Variants in COL6A3 observed in about 807,000 individuals in gnomAD.
COL6A3 encodes the protein collagen type VI alpha 3 chain.
Under a neutral mutation model 274.1 loss-of-function variants are expected in COL6A3, and 137 were observed. The ratio of observed to expected loss-of-function variants is 0.50; its 90% CI spans 0.44 to 0.58. The LOEUF (loss-of-function observed/expected upper bound fraction) is 0.58. COL6A3 is among the 20% of genes least tolerant of loss of function. The pLI, the probability that COL6A3 is intolerant of heterozygous loss-of-function variation, is 0.00. For missense variants in COL6A3, 3,950 were observed against 4,124.9 expected (o/e 0.96, Z 1.16); for synonymous variants, 1,650 against 1,650.6 (o/e 1.00, Z 0.01).
chr2:237,384,180 C>G lies in COL6A3; in HGVS notation c.1313-2681G>C, dbSNP rs116561235. Among the ~76,000 whole-genome samples, 1,154 of 152,270 alleles carry G rather than the reference C, an allele frequency of 7.6e-3. 18 individuals are homozygous for G. Among genetic ancestry groups the G allele is most frequent in the African/African-American group, 0.026 (1,093 of 41,546 alleles). ...CATTTCATTTCTCTGGGGGCTGCAC[C>G]ATGAATCTCCTCTGACCCAGTGATA... is the stretch of plus-strand genomic sequence containing the variant. On this transcript the variant is annotated intron_variant, in intron 4 of 43. Transcript: ENST00000295550.
intron 1 of COL6A3, among the ~76,000 whole-genome samples, chr2:237,401,305 A>T (rs1436945118): frequency 6.6e-6 from 1 of 152,240 alleles, no homozygotes; most frequent in Non-Finnish European, 1.5e-5. Flanking sequence ...TCATTTCAGC[A>T]TTATTTGTAA....
chr2:237,388,195 A>G lies in COL6A3; in HGVS notation c.710-11T>C. 6.2e-7 allele frequency: 1 copy of G among 1,613,844 alleles called. No homozygotes were observed. Among genetic ancestry groups the G allele is most frequent in the Non-Finnish European group, 8.5e-7 (1 of 1,180,050 alleles). ...CAGCAGAGTCTTGTGCTTTAAAAGA[A>G]AGAAATGCAAAAAATGTGAAAGCAT... On this transcript the variant is annotated splice_polypyrimidine_tract_variant and intron_variant, in intron 3 of 43. Transcript: ENST00000295550.
Position 237,371,673 on chromosome 2 carries a change from G to C in COL6A3, c.4285+59C>G. On this transcript the variant is annotated intron_variant, in intron 9 of 43. Coordinates refer to ENST00000295550, the MANE Select transcript of COL6A3 (RefSeq NM_004369.4). This position sits in a 1 kb window ranked among gnomAD's most constrained non-coding sequence, Gnocchi z 4.3. ...TTATTATGAGTACCATGGCCTTTGA[G>C]CCTGTTATTTTTCATATGGAAAATG... is the stretch of plus-strand genomic sequence containing the variant. The C allele has an allele frequency of 6.5e-7, 1 of 1,530,238 alleles. No homozygotes were observed. The highest frequency in any genetic ancestry group is 8.8e-7 in the Non-Finnish European group (1 of 1,142,126). The allele number at this position is 1,530,238 out of a possible 1,614,324, so 94.8% of individuals were successfully genotyped here. A position where few individuals can be genotyped will look rare whatever the true frequency, so the allele number is the denominator to read the frequency against.
chr2:237,346,885 T>C (rs1484000749), intron 31 of COL6A3, among the ~76,000 whole-genome samples: 2 of 151,888 alleles, frequency 1.3e-5, no homozygotes, highest in Non-Finnish European at 2.9e-5. Flanking sequence ...TAACAGACAG[T>C]GAATTAGCTA....
In COL6A3 at chr2:237,346,143, G is replaced by C. The variant is rs371966242; in HGVS notation, c.7092+360C>G. On this transcript the variant is annotated intron_variant, in intron 32 of 43. Coordinates refer to ENST00000295550, the MANE Select transcript of COL6A3 (RefSeq NM_004369.4). ...ACCACAGGAAGCATTGTCAAACCAA[G>C]GCCTGGCATAATTACACTGCTTCTA... 1.4e-3 allele frequency among the ~76,000 whole-genome samples: 213 copies of C among 152,224 alleles called. 2 individuals carry two copies. Among genetic ancestry groups the C allele is most frequent in the African/African-American group, 4.9e-3 (203 of 41,542 alleles).
Position 237,380,966 on chromosome 2 carries a change from T to A in COL6A3, c.1846A>T (p.Met616Leu). 1 of 1,614,196 alleles carries A rather than the reference T, an allele frequency of 6.2e-7. No homozygotes were observed. The highest frequency in any genetic ancestry group is 1.7e-5 in the Admixed American group (1 of 60,020). The change falls in exon 5 of 44, where the codon ATG becomes TTG. Residue 616 changes from methionine to leucine, a missense_variant. By Grantham distance (15) the Met-to-Leu change is conservative. Transcript: ENST00000295550. Reference protein sequence around the residue: ...AEFRAAPLQGMLPGLLAPLRT... With the variant: ...AEFRAAPLQGLLPGLLAPLRT... ...AGAGGTGCCAGCAAGCCAGGCAGCA[T>A]GCCTTGCAATGGGGCGGCTCGGAAC...
intron 1 of COL6A3, among the ~76,000 whole-genome samples, chr2:237,403,497 C>T (rs1188352139): frequency 6.6e-6 from 1 of 152,124 alleles, no homozygotes; most frequent in Non-Finnish European, 1.5e-5. Flanking sequence ...AATGCATCAA[C>T]AGTGAGAAAG....
At position 237,366,905 on chromosome 2, in the gene COL6A3, T is replaced by C; in HGVS notation, c.5282A>G (p.Asp1761Gly). Residue 1761 changes from aspartate to glycine, a missense_variant, in exon 11 of 44, where the codon GAT (aspartate) becomes GGT (glycine). This residue lies in a region of COL6A3 where 632 missense variants were observed against 623.4 expected (regional missense o/e 1.01). Coordinates refer to ENST00000295550, the MANE Select transcript of COL6A3 (RefSeq NM_004369.4). ...TGGKSVEDAQ[D>G]VSLALTQRGV... ...CCTCTGGGTGAGGGCCAGGCTCACATCCTGTGCATCTTCCACCGACTTTCC... is the reference window on the plus strand; with the variant it reads ...CCTCTGGGTGAGGGCCAGGCTCACACCCTGTGCATCTTCCACCGACTTTCC... The C allele has an allele frequency of 2.5e-6, 4 of 1,614,174 alleles. No homozygotes were observed. Among genetic ancestry groups the C allele is most frequent in the Non-Finnish European group, 3.4e-6 (4 of 1,180,034 alleles).
chr2:237,355,171 G>A (rs1341533965), intron 23 of COL6A3: 2 of 494,970 alleles, frequency 4.0e-6, no homozygotes, highest in South Asian at 4.0e-5. Flanking sequence ...TGCTGCTCCT[G>A]TTAATCACCC....
At chr2:237,404,134 ATTCT>A (rs1429138866) in intron 1 of COL6A3, among the ~76,000 whole-genome samples, 2 of 152,058 alleles carry the variant, frequency 1.3e-5, no homozygotes, top group African/African-American at 2.4e-5. Context: ...TTCCTGCTAG[ATTCT>A]TTCTAAGAAA....
intron 9 of COL6A3, among the ~76,000 whole-genome samples, chr2:237,370,016 T>C (rs2077648088): frequency 6.6e-6 from 1 of 151,700 alleles, no homozygotes; most frequent in South Asian, 2.1e-4. Context: ...ATTTTTTAAA[T>C]TTCATTAAAA....
chr2:237,374,797 C>T lies in COL6A3; in HGVS notation c.3294G>A (p.Leu1098=). 3.7e-6 allele frequency: 6 copies of T among 1,614,076 alleles called. No individual in the cohort carries two copies. The highest frequency in any genetic ancestry group is 5.1e-6 in the Non-Finnish European group (6 of 1,180,016). ...KQDVVNAVRQ[L]TLLGGPTPNT... is the part of the protein sequence containing the mutation. Reference sequence around the variant, plus strand: ...TGGGGGTCGGCCCTCCCAGCAGGGTCAGCTGGCGGACAGCGTTGACGACGT... The same window carrying T: ...TGGGGGTCGGCCCTCCCAGCAGGGTTAGCTGGCGGACAGCGTTGACGACGT... The change falls in exon 8 of 44, where the codon CTG becomes CTA. Residue 1098 remains leucine (L), a synonymous_variant. Transcript: ENST00000295550. The surrounding 1 kb of genome is among the most constrained non-coding windows in gnomAD (Gnocchi z 4.8).
intron 1 of COL6A3, among the ~76,000 whole-genome samples, chr2:237,406,972 T>C (rs2078736387): frequency 6.8e-6 from 1 of 147,260 alleles, no homozygotes; most frequent in Admixed American, 7.0e-5. Flanking sequence ...TGCAGTGGCA[T>C]GATCAGAGCT....
At position 237,413,499 on chromosome 2, in the gene COL6A3, A is replaced by G. The variant is rs1334699358; in HGVS notation, c.-31+454T>C. ...GCAGAAAACCCATGCAGGTTGTTGC[A>G]CCCTGACCTAGTGTCACCACCCAGA... On this transcript the variant is annotated intron_variant, in intron 1 of 43. Transcript: ENST00000295550. This position sits in a 1 kb window ranked among gnomAD's most constrained non-coding sequence, Gnocchi z 4.0. Among the ~76,000 whole-genome samples, 1 of 152,144 alleles carries G rather than the reference A, an allele frequency of 6.6e-6. No individual in the cohort carries two copies. Among genetic ancestry groups the G allele is most frequent in the Non-Finnish European group, 1.5e-5 (1 of 68,020 alleles).
intron 41 of COL6A3, among the ~76,000 whole-genome samples, chr2:237,334,345 G>A (rs1308371151): frequency 6.6e-6 from 1 of 152,192 alleles, no homozygotes; most frequent in African/African-American, 2.4e-5. Context: ...TGTTGGAAAG[G>A]GCTGTGCTCA....
intron 43 of COL6A3, 114 bp from the exon 44 acceptor site, chr2:237,324,928 C>T: frequency 9.3e-7 from 1 of 1,077,954 alleles, no homozygotes; most frequent in African/African-American, 1.5e-5. Flanking sequence ...AGTCCCGCAG[C>T]CTCTGGTTTC....
intron 42 of COL6A3, among the ~76,000 whole-genome samples, chr2:237,332,117 A>ATATATATATGTGTGTG (rs35490728): frequency 4.7e-5 from 3 of 64,170 alleles, no homozygotes; most frequent in African/African-American, 1.4e-4. Context: ...ATATATATAT[A>ATATATATATGTGTGTG]TGAAAAGAAA....
intron 40 of COL6A3, 50 bp downstream of exon 40, chr2:237,336,085 C>T (rs776392981): frequency 6.2e-6 from 10 of 1,608,668 alleles, no homozygotes; most frequent in Middle Eastern, 3.3e-4. Context: ...CACCCTGGAG[C>T]AGGAAATGAG....
At chr2:237,402,101 A>T (rs1041740234) in intron 1 of COL6A3, among the ~76,000 whole-genome samples, 1 of 152,198 alleles carries the variant, frequency 6.6e-6, no homozygotes, top group Non-Finnish European at 1.5e-5. Flanking sequence ...ATATTATGCT[A>T]AGTGAAATAA....
Sources: allele counts gnomAD v4.1 joint callset (sites outside exome capture counted in the v4.1 genomes callset), GRCh38; gene constraint gnomAD v4.1.1; regional missense constraint gnomAD v4.1.1; non-coding constraint Gnocchi (gnomAD v3.1); transcripts MANE v1.5; gene names NCBI Gene and HGNC (gene_info 2026-07-23, HGNC 2026-07-21).